NUP210: variants seen among roughly 807,000 people sequenced by gnomAD.
The protein encoded by NUP210 is nuclear pore membrane glycoprotein 210.
In NUP210, 151 loss-of-function variants were observed where a neutral mutation model predicts 196.0. The observed-to-expected ratio is 0.77, with a 90% CI of 0.67 to 0.88. The LOEUF is 0.88. Among genes scored for constraint, NUP210 ranks in the 40% least tolerant of loss-of-function variants. The pLI, the probability that NUP210 is intolerant of heterozygous loss-of-function variation, is 0.00. For missense variants in NUP210, 2,314 were observed against 2,493.7 expected (o/e 0.93, Z 1.53); for synonymous variants, 1,070 against 1,052.7 (o/e 1.02, Z -0.32).
intron 20 of NUP210, among the ~76,000 whole-genome samples, chr3:13,346,374 C>G (rs1291888030): frequency 6.6e-6 from 1 of 152,220 alleles, no homozygotes; most frequent in African/African-American, 2.4e-5. Flanking sequence ...TCTGGACACA[C>G]CTGCTTCCTG....
At chr3:13,359,207 T>C (rs899634923) in intron 15 of NUP210, among the ~76,000 whole-genome samples, 3 of 152,116 alleles carry the variant, frequency 2.0e-5, no homozygotes, top group Non-Finnish European at 4.4e-5. Context: ...CACAGAGCAA[T>C]GGATTGGGAG....
intron 5 of NUP210, among the ~76,000 whole-genome samples, 195 bp from the exon 6 acceptor site, chr3:13,386,602 G>A (rs1699286467): frequency 6.6e-6 from 1 of 152,174 alleles, no homozygotes; most frequent in African/African-American, 2.4e-5. Context: ...CAGGCACCCA[G>A]AAAAAGGGCA....
chr3:13,417,258 C>T (rs957996004), intron 1 of NUP210, among the ~76,000 whole-genome samples: 1 of 152,170 alleles, frequency 6.6e-6, no homozygotes, highest in Admixed American at 6.5e-5. Context: ...ATATGAAACA[C>T]AGGCTGTTTA....
chr3:13,329,090 G>T lies in NUP210; in HGVS notation c.4111-144C>A. The T allele has an allele frequency of 4.6e-6, 3 of 657,148 alleles. No individual in the cohort carries two copies. The South Asian group carries it at 5.9e-5, about 13-fold the overall frequency. The allele number at this position is 657,148 out of a possible 1,614,324, so 40.7% of individuals were successfully genotyped here. ...GGGCTGGACTTAGGGGTCCTGAGAG[G>T]AGTAAAGGCCACACTCCCCAGAGTG... On this transcript the variant is annotated intron_variant, in intron 30 of 39. Coordinates refer to ENST00000254508, the MANE Select transcript of NUP210 (RefSeq NM_024923.4).
chr3:13,352,772 G>A (rs1412025785), intron 18 of NUP210, among the ~76,000 whole-genome samples: 3 of 152,110 alleles, frequency 2.0e-5, no homozygotes, highest in Non-Finnish European at 4.4e-5. Context: ...AGGGAGAGGC[G>A]ACTCCAATGC....
chr3:13,411,481 G>A (rs1700172691), intron 1 of NUP210, among the ~76,000 whole-genome samples: 1 of 152,184 alleles, frequency 6.6e-6, no homozygotes, highest in Admixed American at 6.5e-5. Context: ...TTAGGATTAA[G>A]TGGGGGCATA....
At chr3:13,354,754 A>C (rs1261634127) in intron 16 of NUP210, 1 of 152,348 alleles carries the variant, frequency 6.6e-6, no homozygotes, top group Non-Finnish European at 1.5e-5. Context: ...GGAAGGTGGA[A>C]GGGGTCATCC....
rs776943203 is a variant in NUP210, at chr3:13,371,977, C to G, written c.1643G>C (p.Arg548Pro). ...GGGCAGCTCCAGGGCCTGGCCCACACGTGCCTCCACCTGGCACGGGGCAAA... is the reference window on the plus strand; with the variant it reads ...GGGCAGCTCCAGGGCCTGGCCCACAGGTGCCTCCACCTGGCACGGGGCAAA... ...MEFAPCQVEA[R>P]VGQALELPLR... Residue 548 changes from arginine (R) to proline (P), a missense_variant, in exon 13 of 40, where the codon CGT becomes CCT. Coordinates refer to ENST00000254508, the MANE Select transcript of NUP210 (RefSeq NM_024923.4). 7.5e-6 allele frequency: 12 copies of G among 1,601,296 alleles called. No homozygotes were observed. Among genetic ancestry groups the G allele is most frequent in the African/African-American group, 1.3e-5 (1 of 74,762 alleles).
Position 13,352,178 on chromosome 3 carries a change from G to A in NUP210, c.2635C>T (p.Pro879Ser), listed in dbSNP as rs141400679. ...SSARTKQPHD[P>S]LVPLSASIEL... Reference sequence around the variant, plus strand: ...ATGGAGGCCGACAGAGGCACCAGAGGGTCATGCTGAAGGACAAGGGCAAGG... The same window carrying A: ...ATGGAGGCCGACAGAGGCACCAGAGAGTCATGCTGAAGGACAAGGGCAAGG... Residue 879 changes from proline to serine, a missense_variant, in exon 19 of 40, where the codon CCT becomes TCT. Transcript: ENST00000254508. 2.7e-4 allele frequency: 429 copies of A among 1,612,480 alleles called. 3 individuals are homozygous for A. In the Middle Eastern group the frequency reaches 5.5e-3, roughly 20 times the overall value.
chr3:13,397,652 G>A (rs527935036), intron 2 of NUP210, among the ~76,000 whole-genome samples, 164 bp from the exon 3 acceptor site: 2 of 152,316 alleles, frequency 1.3e-5, no homozygotes, highest in East Asian at 3.9e-4. Flanking sequence ...ACAGTTAACA[G>A]GGACTACCAG....
At chr3:13,344,854 C>T in intron 20 of NUP210, 1 of 886,140 alleles carries the variant, frequency 1.1e-6, no homozygotes, top group South Asian at 5.2e-5. Context: ...CTTTCCCCAG[C>T]CTCCACCTGC....
At chr3:13,339,400 T>C (rs1697364848) in intron 25 of NUP210, among the ~76,000 whole-genome samples, 1 of 152,132 alleles carries the variant, frequency 6.6e-6, no homozygotes, top group African/African-American at 2.4e-5. Context: ...CAGCTGTGAG[T>C]GGAACCCCAA....
In NUP210 at chr3:13,392,652, AG is replaced by A. The variant is rs548667770; in HGVS notation, c.437-1346del. ...GCTTGAGACCCTTCCCGCATACCCC[AG>A]GGATGAGGAGCTCATCGCCCAGCAC... On this transcript the variant is annotated intron_variant, in intron 3 of 39. Coordinates refer to ENST00000254508, the MANE Select transcript of NUP210 (RefSeq NM_024923.4). Among the ~76,000 whole-genome samples, 604 of 152,302 alleles carry A rather than the reference AG, an allele frequency of 4.0e-3. 3 individuals carry two copies. The highest frequency in any genetic ancestry group is 9.5e-3 in the South Asian group (46 of 4,824).
Position 13,325,794 on chromosome 3 carries a change from C to T in NUP210, c.4644+1G>A. The stretch of plus-strand genomic sequence containing the variant: ...TGTGCCTCCGGCTGCTTAGAGCCCA[C>T]CTCCTTGTAGGTCCTCAGGTGCCCA... On this transcript the variant is annotated splice_donor_variant, in intron 33 of 39. Transcript: ENST00000254508. LOFTEE classifies it high-confidence loss of function. 1 of 1,613,748 alleles carries T rather than the reference C, an allele frequency of 6.2e-7. No individual in the cohort carries two copies. The highest frequency in any genetic ancestry group is 8.5e-7 in the Non-Finnish European group (1 of 1,179,966).
chr3:13,354,062 A>G lies in NUP210; in HGVS notation c.2374T>C (p.Tyr792His), dbSNP rs2124882230. 1 of 1,604,466 alleles carries G rather than the reference A, an allele frequency of 6.2e-7. No individual in the cohort carries two copies. The highest frequency in any genetic ancestry group is 2.3e-5 in the East Asian group (1 of 44,358). ...HRNPRLDLAA[Y>H]DQEGRRFDNF... ...TCGAACCGGCGGCCCTCCTGGTCGTAAGCAGCCAGGTCCAGCCGGGGGTTG... is the reference window on the plus strand; with the variant it reads ...TCGAACCGGCGGCCCTCCTGGTCGTGAGCAGCCAGGTCCAGCCGGGGGTTG... Residue 792 changes from tyrosine to histidine, a missense_variant, in exon 17 of 40, where the codon TAC becomes CAC. Transcript: ENST00000254508.
intron 16 of NUP210, among the ~76,000 whole-genome samples, chr3:13,357,084 G>A (rs1356594834): frequency 6.6e-6 from 1 of 152,218 alleles, no homozygotes; most frequent in African/African-American, 2.4e-5. Context: ...GCTACTCCCT[G>A]GCCAGTTCTC....
chr3:13,335,681 G>A lies in NUP210; in HGVS notation c.3685-69C>T, dbSNP rs1434264321. 19 of 1,549,202 alleles carry A rather than the reference G, an allele frequency of 1.2e-5. 1 individual carries two copies. Among genetic ancestry groups the A allele is most frequent in the South Asian group, 2.4e-5 (2 of 84,224 alleles). On this transcript the variant is annotated intron_variant, in intron 27 of 39. Coordinates refer to ENST00000254508, the MANE Select transcript of NUP210 (RefSeq NM_024923.4). ...CCTGTGTCCTCAAAAAGGCAGAGCC[G>A]GACAGTAGCCCCAGACCCCCCAGCC...
At chr3:13,318,730 C>T (rs1483973237) in intron 39 of NUP210, among the ~76,000 whole-genome samples, 3 of 152,202 alleles carry the variant, frequency 2.0e-5, no homozygotes, top group Admixed American at 1.3e-4. Context: ...CCAGAATCCC[C>T]ATCTGTGAGT....
At chr3:13,397,099 G>A (rs929425820) in intron 3 of NUP210, among the ~76,000 whole-genome samples, 5 of 152,156 alleles carry the variant, frequency 3.3e-5, no homozygotes, top group Admixed American at 6.5e-5. Context: ...GAGCACACAG[G>A]CCCCACTGCA....
Sources: gnomAD v4.1 joint callset for allele counts (sites outside exome capture counted in the v4.1 genomes callset) on GRCh38, gnomAD v4.1.1 for gene constraint, MANE v1.5 for transcripts, NCBI Gene and HGNC (gene_info 2026-07-23, HGNC 2026-07-21) for gene names.